Variants in ENKUR observed in about 807,000 individuals in gnomAD.
ENKUR encodes the protein enkurin.
In ENKUR, 19 loss-of-function variants were observed where a neutral mutation model predicts 27.6. The ratio of observed to expected loss-of-function variants is 0.69; its 90% CI spans 0.48 to 1.01. The LOEUF (loss-of-function observed/expected upper bound fraction) is 1.01, where lower values mean the gene tolerates loss of function less well. ENKUR is among the 50% of genes least tolerant of loss of function. ENKUR has a pLI of 0.00. For missense variants in ENKUR, 312 were observed against 310.5 expected, an observed-to-expected ratio of 1.00 and a Z score of -0.04; for synonymous variants, 117 against 96.9, an observed-to-expected ratio of 1.21 and a Z score of -1.22.
intron 2 of ENKUR, 104 bp from the exon 3 acceptor site, chr10:24,995,973 GT>G: frequency 1.1e-6 from 1 of 871,514 alleles, no homozygotes; most frequent in East Asian, 2.8e-5. Context: ...TGAAGTTGCA[GT>G]CATAATATAT....
chr10:25,016,272 G>A (rs973617295), upstream of ENKUR: 1 of 744,914 alleles, frequency 1.3e-6, no homozygotes, highest in African/African-American at 1.9e-5. Flanking sequence ...AGCTCATTTG[G>A]AAGCCACTGT....
chr10:24,997,319 T>C (rs1016146860), intron 2 of ENKUR, among the ~76,000 whole-genome samples: 5 of 151,744 alleles, frequency 3.3e-5, no homozygotes, highest in Non-Finnish European at 7.4e-5. Context: ...TCTCCAGAAC[T>C]GTCCTCCAGA....
intron 4 of ENKUR, among the ~76,000 whole-genome samples, chr10:24,986,126 C>T (rs115647960): frequency 0.013 from 1,964 of 152,284 alleles, 57 homozygotes; most frequent in African/African-American, 0.045. Flanking sequence ...AAAACATGGT[C>T]TTTGAAAACT....
intron 2 of ENKUR, among the ~76,000 whole-genome samples, chr10:24,998,484 T>C (rs1850116620): frequency 6.6e-6 from 1 of 151,798 alleles, no homozygotes; most frequent in Non-Finnish European, 1.5e-5. Context: ...AAGCGATCCT[T>C]CCACATCAGC....
intron 2 of ENKUR, chr10:25,025,489 A>G (rs776650623): frequency 1.3e-6 from 2 of 1,555,698 alleles, no homozygotes; most frequent in Admixed American, 4.0e-5. Context: ...TTCTAGCTAT[A>G]AGCATGCAAT....
At chr10:25,006,523 G>A (rs2132710104) in intron 1 of ENKUR, among the ~76,000 whole-genome samples, 2 of 152,242 alleles carry the variant, frequency 1.3e-5, no homozygotes, top group South Asian at 2.1e-4. Context: ...AGTCAAATTT[G>A]TTTCAGACTT....
chr10:25,054,078 G>A lies in ENKUR; in HGVS notation c.37+7034C>T, dbSNP rs369152382. Reference sequence around the variant, plus strand: ...AATATAACTTTTCCTGACTGCAAACGTAATGCATGCTCATTGTAGAAAGGT... The same window carrying A: ...AATATAACTTTTCCTGACTGCAAACATAATGCATGCTCATTGTAGAAAGGT... On this transcript the variant is annotated intron_variant, in intron 2 of 5. Coordinates refer to the ENKUR transcript ENST00000615958. 2.8e-4 allele frequency among the ~76,000 whole-genome samples: 42 copies of A among 152,278 alleles called. No individual in the cohort carries two copies. The East Asian group carries it at 5.6e-3, about 20-fold the overall frequency.
At chr10:25,000,346 G>C (rs537630400) in intron 1 of ENKUR, among the ~76,000 whole-genome samples, 16 of 152,086 alleles carry the variant, frequency 1.1e-4, no homozygotes, top group Admixed American at 2.0e-4. Flanking sequence ...CAAACTGAAA[G>C]TATCTTCAAA....
At chr10:25,023,191 T>A in intron 2 of ENKUR, 1 of 1,570,088 alleles carries the variant, frequency 6.4e-7, no homozygotes, top group Admixed American at 1.9e-5. Context: ...AAGCCAATTT[T>A]TAGGTTGGCT....
chr10:25,054,460 T>TCTTTCTTC (rs1415739897), intron 2 of ENKUR, among the ~76,000 whole-genome samples: 3 of 66,306 alleles, frequency 4.5e-5, no homozygotes, highest in African/African-American at 1.7e-4. Flanking sequence ...TTTTCTCTTT[T>TCTTTCTTC]CTTTCTTTCT....
At chr10:25,012,504 C>A (rs571048123) in intron 1 of ENKUR, among the ~76,000 whole-genome samples, 1 of 152,324 alleles carries the variant, frequency 6.6e-6, no homozygotes, top group South Asian at 2.1e-4. Context: ...ACCATAGGAT[C>A]CCACCTCTTG....
intron 2 of ENKUR, among the ~76,000 whole-genome samples, chr10:24,998,585 G>T (rs1850118847): frequency 1.3e-5 from 2 of 151,720 alleles, no homozygotes; most frequent in East Asian, 1.9e-4. Flanking sequence ...GTCTTGCTTT[G>T]TTGCCCAGGT....
chr10:25,005,773 C>A (rs563869268), intron 1 of ENKUR, among the ~76,000 whole-genome samples: 11 of 152,334 alleles, frequency 7.2e-5, no homozygotes, highest in Middle Eastern at 3.4e-3. Context: ...TAGCTCTGAT[C>A]TGCACTTACT....
chr10:25,025,109 ACT>A, intron 2 of ENKUR: 1 of 1,614,060 alleles, frequency 6.2e-7, no homozygotes. Context: ...GCAGCTATTA[ACT>A]CCACCTATAA....
rs138969907 is a variant in ENKUR, at chr10:25,047,307, T to C, written c.37+13805A>G. 5.3e-5 allele frequency among the ~76,000 whole-genome samples: 8 copies of C among 152,310 alleles called. No individual in the cohort carries two copies. The East Asian group carries it at 1.5e-3, about 29-fold the overall frequency. ...ATGTTCCACTGTCTCTCTTTCTTTC[T>C]AGGTCACTCAGTATTTGATTATCCA... is the stretch of plus-strand genomic sequence containing the variant. On this transcript the variant is annotated intron_variant, in intron 2 of 5. Transcript: ENST00000615958.
In ENKUR at chr10:24,984,728, A is replaced by C; in HGVS notation, c.764+8T>G. ...TGAAATTGTTATACTTTAAAGATCC[A>C]TTCTTACTTATTGGCAATATAAATA... On this transcript the variant is annotated splice_region_variant and intron_variant, in intron 5 of 5. Coordinates refer to ENST00000331161, the MANE Select transcript of ENKUR (RefSeq NM_145010.4). The C allele has an allele frequency of 1.2e-6, 2 of 1,601,902 alleles. No homozygotes were observed. Among genetic ancestry groups the C allele is most frequent in the Non-Finnish European group, 1.7e-6 (2 of 1,176,170 alleles).
intron 2 of ENKUR, among the ~76,000 whole-genome samples, chr10:25,055,545 CAAAA>C (rs142864120): frequency 1.6e-3 from 153 of 94,320 alleles, no homozygotes; most frequent in Middle Eastern, 6.8e-3. Flanking sequence ...AACAAATTGG[CAAAA>C]AAAAAAAAAA....
chr10:24,986,698 T>C (rs968328095), intron 4 of ENKUR, among the ~76,000 whole-genome samples: 2 of 152,212 alleles, frequency 1.3e-5, no homozygotes, highest in Non-Finnish European at 2.9e-5. Flanking sequence ...TAGTTTGCTT[T>C]TATCTTCCAG....
At chr10:24,984,409 G>A in intron 5 of ENKUR, 33 bp from the exon 6 acceptor site, 2 of 1,573,754 alleles carry the variant, frequency 1.3e-6, no homozygotes, top group Non-Finnish European at 1.7e-6. Flanking sequence ...GTGAAGTTCT[G>A]AGTGCTGACT....
Sources: gnomAD v4.1 joint callset for allele counts (sites outside exome capture counted in the v4.1 genomes callset) on GRCh38, gnomAD v4.1.1 for gene constraint, MANE v1.5 for transcripts, NCBI Gene and HGNC (gene_info 2026-07-23, HGNC 2026-07-21) for gene names.